The following KNTC1 variants were observed in gnomAD, a reference collection of about 807,000 sequenced individuals.
KNTC1 encodes the protein kinetochore associated 1.
KNTC1 carries 253 observed loss-of-function variants against 314.4 expected under a neutral mutation model. The ratio of observed to expected loss-of-function variants is 0.80; its 90% confidence interval spans 0.73 to 0.89. The LOEUF (loss-of-function observed/expected upper bound fraction) is 0.89, where lower values mean the gene tolerates loss of function less well. KNTC1 is among the 40% of genes least tolerant of loss of function. KNTC1 has a pLI of 0.00. For missense variants in KNTC1, 2,475 were observed against 2,572.9 expected (o/e 0.96, Z 0.82); for synonymous variants, 901 against 901.4 (o/e 1.00, Z 0.01).
intron 19 of KNTC1, among the ~76,000 whole-genome samples, chr12:122,562,371 TC>T (rs534111737): frequency 1.6e-3 from 248 of 152,134 alleles, no homozygotes; most frequent in African/African-American, 5.1e-3. Context: ...TTTAAAGAGT[TC>T]CTACAATTAA....
chr12:122,614,778 A>G (rs1020944111), intron 55 of KNTC1, among the ~76,000 whole-genome samples: 1 of 151,880 alleles, frequency 6.6e-6, no homozygotes, highest in Non-Finnish European at 1.5e-5. Context: ...CTACTCGGGA[A>G]GCTGAGGCAG....
At chr12:122,555,280 C>A (rs1217811699) in intron 16 of KNTC1, among the ~76,000 whole-genome samples, 1 of 152,172 alleles carries the variant, frequency 6.6e-6, no homozygotes, top group Non-Finnish European at 1.5e-5. Flanking sequence ...TGGCCGGGTG[C>A]AGTGGCTCAC....
At chr12:122,542,723 T>G (rs1962437291) in intron 6 of KNTC1, among the ~76,000 whole-genome samples, 1 of 151,862 alleles carries the variant, frequency 6.6e-6, no homozygotes, top group Non-Finnish European at 1.5e-5. Context: ...GAGATCACGC[T>G]GTTGCACTCC....
intron 57 of KNTC1, 101 bp from the exon 58 acceptor site, chr12:122,618,242 G>T: frequency 1.0e-6 from 1 of 964,400 alleles, no homozygotes; most frequent in East Asian, 2.6e-5. Context: ...AAAGTGCTGG[G>T]ATTATAGGTG....
At chr12:122,563,030 T>A (rs1357467178) in intron 20 of KNTC1, among the ~76,000 whole-genome samples, 1 of 152,034 alleles carries the variant, frequency 6.6e-6, no homozygotes. Context: ...AATTTTTTTT[T>A]TTAGATTATA....
Position 122,590,107 on chromosome 12 carries a change from T to C in KNTC1, c.4000-500T>C, listed in dbSNP as rs1301102441. Among the ~76,000 whole-genome samples the C allele has an allele frequency of 2.0e-5, 3 of 152,078 alleles. No homozygotes were observed. In the East Asian group the frequency reaches 5.8e-4, roughly 29 times the overall value. ...CCTAAAATTTTTTATTTGGAGATAATTTCAAAGTTTCAGGAAAATTTTAAG... is the reference window on the plus strand; with the variant it reads ...CCTAAAATTTTTTATTTGGAGATAACTTCAAAGTTTCAGGAAAATTTTAAG... On this transcript the variant is annotated intron_variant, in intron 40 of 63. Transcript: ENST00000333479.
rs565189858 is a variant in KNTC1 at position 122,528,128 on chromosome 12, G to T, written c.-74+777G>T. 2.6e-5 allele frequency among the ~76,000 whole-genome samples: 4 copies of T among 152,262 alleles called. No homozygotes were observed. In the South Asian group the frequency reaches 8.3e-4, roughly 32 times the overall value. On this transcript the variant is annotated intron_variant, in intron 1 of 63. Coordinates refer to ENST00000333479, the MANE Select transcript of KNTC1 (RefSeq NM_014708.6). ...AAGGTGTCTGGCACATAGTAAATAG[G>T]TATTCAATAAACATTTGTTGAATAA... is the stretch of plus-strand genomic sequence containing the variant.
intron 44 of KNTC1, among the ~76,000 whole-genome samples, chr12:122,598,743 A>T (rs546061571): frequency 1.3e-5 from 2 of 152,088 alleles, no homozygotes; most frequent in African/African-American, 4.8e-5. Context: ...TGACAGATGC[A>T]TAACTATTAT....
intron 33 of KNTC1, 58 bp from the exon 34 acceptor site, chr12:122,582,647 T>A: frequency 1.4e-6 from 2 of 1,426,490 alleles, no homozygotes; most frequent in Non-Finnish European, 1.9e-6. Flanking sequence ...TGAAAATGAT[T>A]ATTTTAAACA....
rs754891803 is a variant in KNTC1, at chr12:122,562,629, T to C, written c.1543-9T>C. On this transcript the variant is annotated splice_polypyrimidine_tract_variant and intron_variant, in intron 19 of 63. Transcript: ENST00000333479. Reference sequence around the variant, plus strand: ...ATAAATTCAGATTATTAAATTATTTTTTCTTCAGGTGCTAAGAGCTCATGC... The same window carrying C: ...ATAAATTCAGATTATTAAATTATTTCTTCTTCAGGTGCTAAGAGCTCATGC... 1.3e-6 allele frequency: 2 copies of C among 1,538,104 alleles called. No individual in the cohort carries two copies. The highest frequency in any genetic ancestry group is 1.8e-6 in the Non-Finnish European group (2 of 1,114,490).
chr12:122,604,456 C>T (rs1872353202), intron 48 of KNTC1, 108 bp from the exon 49 acceptor site: 1 of 580,260 alleles, frequency 1.7e-6, no homozygotes, highest in Non-Finnish European at 2.9e-6. Flanking sequence ...CATGAGTATG[C>T]ATTTTTGTAA....
rs1257571690 is a variant in KNTC1 at position 122,626,193 on chromosome 12, C to T, written c.6607-12C>T. The T allele has an allele frequency of 1.9e-6, 3 of 1,569,570 alleles. No individual in the cohort carries two copies. Among genetic ancestry groups the T allele is most frequent in the Admixed American group, 3.5e-5 (2 of 56,350 alleles). On this transcript the variant is annotated splice_polypyrimidine_tract_variant and intron_variant, in intron 63 of 63. Transcript: ENST00000333479. ...ACTTATAAAAATCACTTCTGTGTTT[C>T]TTCCCATTTAGATGTTTCTTAGTGG...
At chr12:122,619,822 G>A (rs1000921344) in intron 59 of KNTC1, among the ~76,000 whole-genome samples, 4 of 152,172 alleles carry the variant, frequency 2.6e-5, no homozygotes, top group African/African-American at 9.7e-5. Flanking sequence ...TACTGTATGA[G>A]CATAGAGTAC....
At chr12:122,568,217 A>T in intron 20 of KNTC1, 44 bp from the exon 21 acceptor site, 1 of 921,390 alleles carries the variant, frequency 1.1e-6, no homozygotes, top group East Asian at 2.4e-5. Context: ...GTATAACCTT[A>T]ATTTTTTTTA....
rs1019586742 is a variant in KNTC1 at position 122,543,906 on chromosome 12, G to A, written c.559-253G>A. ...TCTACTAAAAAATACAAAATTAGCC[G>A]GGGGGTGGTGGCGCATGCCTGTACT... On this transcript the variant is annotated intron_variant, in intron 7 of 63. Coordinates refer to ENST00000333479, the MANE Select transcript of KNTC1 (RefSeq NM_014708.6). 5.3e-5 allele frequency among the ~76,000 whole-genome samples: 8 copies of A among 152,014 alleles called. No homozygotes were observed. The East Asian group carries it at 7.7e-4, about 15-fold the overall frequency.
rs1177822300 is a variant in KNTC1, at chr12:122,584,345, T to C, written c.3331T>C (p.Cys1111Arg). ...GCTATTTCTGACATGTCAGAAGCTT[T>C]GTCAGATGTTGGCTGATAATGTCCC... Reference protein sequence around the residue: ...KLLFLTCQKLCQMLADNVPVT... With the variant: ...KLLFLTCQKLRQMLADNVPVT... The change falls in exon 35 of 64, where the codon TGT becomes CGT. Residue 1111 changes from cysteine (C) to arginine (R), a missense_variant. Coordinates refer to ENST00000333479, the MANE Select transcript of KNTC1 (RefSeq NM_014708.6). The C allele has an allele frequency of 6.2e-7, 1 of 1,613,530 alleles. No individual in the cohort carries two copies. Among genetic ancestry groups the C allele is most frequent in the Non-Finnish European group, 8.5e-7 (1 of 1,179,592 alleles).
intron 2 of KNTC1, among the ~76,000 whole-genome samples, chr12:122,531,653 C>CT (rs1377687507): frequency 6.6e-6 from 1 of 151,958 alleles, no homozygotes; most frequent in Non-Finnish European, 1.5e-5. Flanking sequence ...TGCAGCATTT[C>CT]TTTTTTTTAA....
At chr12:122,587,101 G>A (rs1376739771) in intron 38 of KNTC1, among the ~76,000 whole-genome samples, 4 of 152,212 alleles carry the variant, frequency 2.6e-5, no homozygotes, top group African/African-American at 9.6e-5. Context: ...ACAGGCGTGA[G>A]CCACCACGTC....
In KNTC1 at chr12:122,574,303, T is replaced by C; in HGVS notation, c.2305T>C (p.Ser769Pro). The C allele has an allele frequency of 6.2e-7, 1 of 1,607,762 alleles. No individual in the cohort carries two copies. Among genetic ancestry groups the C allele is most frequent in the Non-Finnish European group, 8.5e-7 (1 of 1,175,906 alleles). ...TTAGGATTTACTGAATAGATGCAGCTCAAAGTCCACATCACTCTTTGAAAC... is the reference window on the plus strand; with the variant it reads ...TTAGGATTTACTGAATAGATGCAGCCCAAAGTCCACATCACTCTTTGAAAC... ...YIEDLLNRCS[S>P]KSTSLFETAW... The change falls in exon 27 of 64, where the codon TCA becomes CCA. Residue 769 changes from serine to proline, a missense_variant. Coordinates refer to ENST00000333479, the MANE Select transcript of KNTC1 (RefSeq NM_014708.6).
Sources: gnomAD v4.1 joint callset for allele counts (sites outside exome capture counted in the v4.1 genomes callset) on GRCh38, gnomAD v4.1.1 for gene constraint, MANE v1.5 for transcripts, NCBI Gene and HGNC (gene_info 2026-07-23, HGNC 2026-07-21) for gene names.